Variants in ALKBH8 observed in about 807,000 individuals in gnomAD.
The protein encoded by ALKBH8 is alkB homolog 8, tRNA methyltransferase.
ALKBH8 carries 36 observed loss-of-function variants against 59.8 expected under a neutral mutation model. The ratio of observed to expected loss-of-function variants is 0.60; its 90% CI spans 0.46 to 0.79. The LOEUF is 0.79. Among genes scored for constraint, ALKBH8 ranks in the 30% least tolerant of loss-of-function variants. The pLI, the probability that ALKBH8 is intolerant of heterozygous loss-of-function variation, is 0.00. For missense variants in ALKBH8, 768 were observed against 801.0 expected (o/e 0.96, Z 0.50); for synonymous variants, 276 against 273.6 (o/e 1.01, Z -0.09).
At chr11:107,536,139 A>T in intron 7 of ALKBH8, among the ~76,000 whole-genome samples, 1 of 152,208 alleles carries the variant, frequency 6.6e-6, no homozygotes, top group East Asian at 1.9e-4. Context: ...TAACTAATCC[A>T]GGTGTTTCTG....
At chr11:107,538,771 G>A (rs948514142) in intron 7 of ALKBH8, among the ~76,000 whole-genome samples, 14 of 152,258 alleles carry the variant, frequency 9.2e-5, no homozygotes, top group Non-Finnish European at 4.4e-5. Flanking sequence ...AAGAATATAC[G>A]CTACTGGGAA....
At chr11:107,555,429 T>G (rs1430207318) in intron 3 of ALKBH8, among the ~76,000 whole-genome samples, 1 of 152,208 alleles carries the variant, frequency 6.6e-6, no homozygotes, top group Non-Finnish European at 1.5e-5. Context: ...TACTGAATAT[T>G]CACCATGGAG....
chr11:107,519,532 T>C (rs1863020318), intron 10 of ALKBH8, among the ~76,000 whole-genome samples: 1 of 152,184 alleles, frequency 6.6e-6, no homozygotes, highest in Non-Finnish European at 1.5e-5. Context: ...GTAAAGTACA[T>C]TGAAAAGAGC....
chr11:107,552,994 G>T, intron 5 of ALKBH8, 114 bp downstream of exon 5: 1 of 667,954 alleles, frequency 1.5e-6, no homozygotes, highest in Non-Finnish European at 2.4e-6. Context: ...TAAATAAACT[G>T]TTCAGAAAGT....
chr11:107,503,449 C>T lies in ALKBH8; in HGVS notation c.*1209G>A, dbSNP rs370820628. The T allele has an allele frequency of 1.3e-5, 2 of 152,250 alleles. No homozygotes were observed. The highest frequency in any genetic ancestry group is 2.9e-5 in the Non-Finnish European group (2 of 68,006). 9.4% of individuals were successfully genotyped at this position (152,250 alleles called of 1,614,324 possible). A position where few individuals can be genotyped will look rare whatever the true frequency, so the allele number is the denominator to read the frequency against. On this transcript the variant is annotated 3_prime_UTR_variant, in exon 12 of 12. Coordinates refer to ENST00000428149, the MANE Select transcript of ALKBH8 (RefSeq NM_138775.3). ...TTTAAAACAGTCTTAAGCATTACTA[C>T]TACAAAAGTAATGCATACTGGGAGT...
At chr11:107,529,639 G>A (rs1369835378) in intron 8 of ALKBH8, among the ~76,000 whole-genome samples, 1 of 149,060 alleles carries the variant, frequency 6.7e-6, no homozygotes, top group Admixed American at 6.6e-5. Context: ...CGAGTAGCTG[G>A]GACTACAGGC....
Position 107,504,721 on chromosome 11 carries a change from A to G in ALKBH8, c.1932T>C (p.Asp644=), listed in dbSNP as rs938916066. 51 of 1,551,574 alleles carry G rather than the reference A, an allele frequency of 3.3e-5. No homozygotes were observed. Among genetic ancestry groups the G allele is most frequent in the Non-Finnish European group, 4.1e-5 (47 of 1,146,910 alleles). Reference sequence around the variant, plus strand: ...CGTAGTAGCTTTGCAGAATTCTGACATCACTCACAGTCCTGCAGGCACCTT... The same window carrying G: ...CGTAGTAGCTTTGCAGAATTCTGACGTCACTCACAGTCCTGCAGGCACCTT... The part of the protein sequence containing the change: ...ELEGACRTVS[D]VRILQSYYDQ... The change falls in exon 12 of 12, where the codon GAT becomes GAC. Residue 644 remains aspartate (D), a synonymous_variant. Coordinates refer to ENST00000428149, the MANE Select transcript of ALKBH8 (RefSeq NM_138775.3).
At chr11:107,561,406 T>C (rs1413949687) in intron 1 of ALKBH8, among the ~76,000 whole-genome samples, 1 of 151,650 alleles carries the variant, frequency 6.6e-6, no homozygotes, top group Admixed American at 6.6e-5. Context: ...AAGGAAATTA[T>C]AAACACAAAA....
chr11:107,559,661 A>G (rs890180376), intron 2 of ALKBH8, among the ~76,000 whole-genome samples: 1 of 152,256 alleles, frequency 6.6e-6, no homozygotes, highest in Non-Finnish European at 1.5e-5. Context: ...GTATGCAAAC[A>G]TATTAATTCT....
intron 11 of ALKBH8, among the ~76,000 whole-genome samples, chr11:107,507,118 AAAATGTAATTAT>A (rs1862419039): frequency 6.6e-6 from 1 of 152,206 alleles, no homozygotes; most frequent in Non-Finnish European, 1.5e-5. Context: ...AAAAGAGGAA[AAAATGTAATTAT>A]AAACTACATT....
chr11:107,563,868 A>C (rs758645986), intron 1 of ALKBH8: 2 of 152,218 alleles, frequency 1.3e-5, no homozygotes, highest in Non-Finnish European at 2.9e-5. Context: ...TCTCTCCCTC[A>C]GTCATGCAAT....
intron 7 of ALKBH8, among the ~76,000 whole-genome samples, chr11:107,541,343 G>A (rs1309037171): frequency 1.3e-5 from 2 of 152,152 alleles, no homozygotes; most frequent in African/African-American, 2.4e-5. Flanking sequence ...TGTCTCCATA[G>A]TCAATTAAAA....
chr11:107,517,270 G>T (rs566671346), intron 10 of ALKBH8, among the ~76,000 whole-genome samples: 1 of 152,092 alleles, frequency 6.6e-6, no homozygotes, highest in South Asian at 2.1e-4. Context: ...GATAACAAAC[G>T]GCGTTGAGGA....
chr11:107,557,967 C>T (rs1864783932), intron 2 of ALKBH8, among the ~76,000 whole-genome samples: 1 of 152,112 alleles, frequency 6.6e-6, no homozygotes, highest in African/African-American at 2.4e-5. Flanking sequence ...TTCATTTATA[C>T]CAGGTGTTGA....
intron 11 of ALKBH8, among the ~76,000 whole-genome samples, chr11:107,509,695 C>G (rs980936833): frequency 6.6e-6 from 1 of 152,002 alleles, no homozygotes; most frequent in Non-Finnish European, 1.5e-5. Flanking sequence ...TGTAAGGATC[C>G]AACTTCATTC....
intron 2 of ALKBH8, among the ~76,000 whole-genome samples, chr11:107,557,942 A>G (rs1453021645): frequency 1.3e-5 from 2 of 152,184 alleles, no homozygotes; most frequent in Non-Finnish European, 2.9e-5. Flanking sequence ...TGGATGGCCT[A>G]CTCTCATCAA....
intron 8 of ALKBH8, among the ~76,000 whole-genome samples, chr11:107,527,676 T>C (rs916011308): frequency 2.0e-5 from 3 of 152,068 alleles, no homozygotes; most frequent in Admixed American, 1.3e-4. Context: ...ATTGACCTTG[T>C]ATGTCGCTAA....
At chr11:107,562,408 G>T (rs535862824) in intron 1 of ALKBH8, among the ~76,000 whole-genome samples, 1 of 151,872 alleles carries the variant, frequency 6.6e-6, no homozygotes, top group Non-Finnish European at 1.5e-5. Context: ...AAAAAGGAAA[G>T]TATTCAGTGA....
At chr11:107,509,519 A>AT (rs1862534127) in intron 11 of ALKBH8, among the ~76,000 whole-genome samples, 1 of 152,058 alleles carries the variant, frequency 6.6e-6, no homozygotes, top group Non-Finnish European at 1.5e-5. Context: ...TAATTTATCT[A>AT]TTTTTTGTTT....
Sources: allele counts gnomAD v4.1 joint callset (sites outside exome capture counted in the v4.1 genomes callset), GRCh38; gene constraint gnomAD v4.1.1; transcripts MANE v1.5; gene names NCBI Gene and HGNC (gene_info 2026-07-23, HGNC 2026-07-21).